Variants in FUT8 observed in about 807,000 individuals in gnomAD.
FUT8 encodes alpha-(1,6)-fucosyltransferase.
FUT8 carries 29 observed loss-of-function variants against 71.3 expected under a neutral mutation model. The ratio of observed to expected loss-of-function variants is 0.41; its 90% CI spans 0.30 to 0.55. The LOEUF (loss-of-function observed/expected upper bound fraction) is 0.55. Among genes scored for constraint, FUT8 ranks in the 20% least tolerant of loss-of-function variants. The probability of loss-of-function intolerance (pLI) is 0.34; values close to 1 mark genes in which losing one functional copy is unlikely to be tolerated. For missense variants in FUT8, 544 were observed against 702.1 expected (o/e 0.77, Z 2.55); for synonymous variants, 254 against 239.3 (o/e 1.06, Z -0.57).
chr14:65,485,180 AAAT>A (rs1446083367), intron 2 of FUT8, among the ~76,000 whole-genome samples: 1 of 152,036 alleles, frequency 6.6e-6, no homozygotes, highest in Non-Finnish European at 1.5e-5. Context: ...CTATTAAAAA[AAAT>A]AATAATAATT....
At chr14:65,360,926 TC>T in the FUT8 span, among the ~76,000 whole-genome samples, 9 of 152,200 alleles carry the variant, frequency 5.9e-5, no homozygotes, top group Non-Finnish European at 1.3e-4. Context: ...AAAAAATTGT[TC>T]TGCAAAATGG....
chr14:65,560,347 G>T (rs1885846027), intron 2 of FUT8, among the ~76,000 whole-genome samples: 1 of 151,374 alleles, frequency 6.6e-6, no homozygotes, highest in Admixed American at 6.6e-5. Flanking sequence ...TAAAATTAAA[G>T]AAAAAAAAAT....
At chr14:65,591,100 A>G (rs985107237) in intron 3 of FUT8, among the ~76,000 whole-genome samples, 1 of 152,192 alleles carries the variant, frequency 6.6e-6, no homozygotes, top group African/African-American at 2.4e-5. Flanking sequence ...AACAAAGCCT[A>G]GAAGTATTTG....
At chr14:65,608,803 G>GGATTTACCAAGAAATC (rs1888723367) in intron 3 of FUT8, among the ~76,000 whole-genome samples, 1 of 151,956 alleles carries the variant, frequency 6.6e-6, no homozygotes. Flanking sequence ...TGCTGCAGCT[G>GGATTTACCAAGAAATC]CACAGTCCAG....
the FUT8 span, among the ~76,000 whole-genome samples, chr14:65,363,660 A>G: frequency 6.6e-6 from 1 of 152,164 alleles, no homozygotes; most frequent in Non-Finnish European, 1.5e-5. Flanking sequence ...CTCTAAAGAC[A>G]AAGGGACACA....
At chr14:65,497,434 G>C (rs2066576519) in intron 2 of FUT8, among the ~76,000 whole-genome samples, 1 of 152,166 alleles carries the variant, frequency 6.6e-6, no homozygotes, top group East Asian at 1.9e-4. Context: ...GTGGAGCCCA[G>C]ACCCTGCAGT....
At chr14:65,368,769 G>T in the FUT8 span, among the ~76,000 whole-genome samples, 1 of 151,816 alleles carries the variant, frequency 6.6e-6, no homozygotes, top group South Asian at 2.1e-4. Flanking sequence ...GATCCGCCCC[G>T]CCTCGGCCTC....
intron 2 of FUT8, among the ~76,000 whole-genome samples, chr14:65,474,151 A>G (rs1295125243): frequency 6.6e-6 from 1 of 152,036 alleles, no homozygotes; most frequent in Non-Finnish European, 1.5e-5. Flanking sequence ...CGCGGGGAGA[A>G]TAGGAAGAAG....
chr14:65,587,921 C>T (rs1887480700), intron 3 of FUT8, among the ~76,000 whole-genome samples: 1 of 152,066 alleles, frequency 6.6e-6, no homozygotes, highest in Non-Finnish European at 1.5e-5. Context: ...GTTGACAGCC[C>T]ACTGAATCTG....
At chr14:65,439,610 A>C (rs1246753835) in intron 1 of FUT8, among the ~76,000 whole-genome samples, 1 of 152,084 alleles carries the variant, frequency 6.6e-6, no homozygotes, top group Non-Finnish European at 1.5e-5. Flanking sequence ...CATAATTCAT[A>C]CTGTCTCAGT....
intron 6 of FUT8, among the ~76,000 whole-genome samples, chr14:65,654,990 G>T (rs1594865554): frequency 6.6e-6 from 1 of 151,866 alleles, no homozygotes; most frequent in South Asian, 2.1e-4. Flanking sequence ...GACCTCAGGT[G>T]ATCCGCCCAC....
In FUT8 at chr14:65,628,411, G is replaced by C. The variant is rs868309415; in HGVS notation, c.483-1081G>C. On this transcript the variant is annotated intron_variant, in intron 5 of 10. Coordinates refer to ENST00000673929, the MANE Select transcript of FUT8 (RefSeq NM_001371533.1). ...GGATCTAGCTGATATATTGAGAACA[G>C]ACTTTAGATGTAGGCAATGGTGGAA... Among the ~76,000 whole-genome samples, 8 of 152,350 alleles carry C rather than the reference G, an allele frequency of 5.3e-5. No individual in the cohort carries two copies. In the South Asian group the frequency reaches 1.0e-3, roughly 20 times the overall value.
At chr14:65,515,215 A>G (rs1359808291) in intron 2 of FUT8, among the ~76,000 whole-genome samples, 2 of 134,334 alleles carry the variant, frequency 1.5e-5, no homozygotes, top group East Asian at 4.5e-4. Flanking sequence ...TCTTTTGGAC[A>G]TGAAAATACA....
At chr14:65,393,011 G>T in the FUT8 span, among the ~76,000 whole-genome samples, 1 of 152,272 alleles carries the variant, frequency 6.6e-6, no homozygotes, top group African/African-American at 2.4e-5. Context: ...CAATGTTAGC[G>T]GCTACAGACT....
At chr14:65,661,536 G>T (rs1334455585) in intron 6 of FUT8, among the ~76,000 whole-genome samples, 1 of 152,166 alleles carries the variant, frequency 6.6e-6, no homozygotes, top group Non-Finnish European at 1.5e-5. Context: ...TTGGTCAGTA[G>T]TAACTCTGGG....
At chr14:65,566,397 G>T (rs1005217148) in intron 3 of FUT8, among the ~76,000 whole-genome samples, 2 of 151,950 alleles carry the variant, frequency 1.3e-5, no homozygotes, top group East Asian at 3.8e-4. Context: ...ATGTGTAACC[G>T]CATTTAACCT....
chr14:65,596,843 T>A (rs112554906), intron 3 of FUT8, among the ~76,000 whole-genome samples: 13 of 152,348 alleles, frequency 8.5e-5, no homozygotes, highest in African/African-American at 3.1e-4. Context: ...TACTGTGATA[T>A]GTAGAATTTT....
intron 1 of FUT8, among the ~76,000 whole-genome samples, chr14:65,417,465 T>A (rs2065235117): frequency 1.3e-5 from 2 of 152,232 alleles, no homozygotes; most frequent in African/African-American, 4.8e-5. Context: ...ATATAAACTT[T>A]ATATGATACT....
chr14:65,377,195 T>C, the FUT8 span, among the ~76,000 whole-genome samples: 1 of 152,100 alleles, frequency 6.6e-6, no homozygotes, highest in Admixed American at 6.5e-5. Flanking sequence ...CAGCAGACAA[T>C]ATGAAAAGCT....
Sources: gnomAD v4.1 joint callset for allele counts (sites outside exome capture counted in the v4.1 genomes callset) on GRCh38, gnomAD v4.1.1 for gene constraint, MANE v1.5 for transcripts, NCBI Gene and HGNC (gene_info 2026-07-23, HGNC 2026-07-21) for gene names.